Variants in CTNNA3 observed in about 807,000 individuals in gnomAD.
The protein encoded by CTNNA3 is catenin alpha-3.
Under a neutral mutation model 95.7 loss-of-function variants are expected in CTNNA3, and 76 were observed. That is an observed-to-expected ratio of 0.79 (90% CI 0.66 to 0.96). The LOEUF is 0.96. CTNNA3 is among the 40% of genes least tolerant of loss of function. CTNNA3 has a pLI of 0.00. For synonymous variants in CTNNA3, 431 were observed against 374.4 expected, an observed-to-expected ratio of 1.15 and a Z score of -1.74; for missense variants, 1,191 against 1,089.8, an observed-to-expected ratio of 1.09 and a Z score of -1.31.
chr10:66,805,328 AGTCTTAG>A (rs1182675869), intron 7 of CTNNA3, among the ~76,000 whole-genome samples: 4 of 151,868 alleles, frequency 2.6e-5, no homozygotes, highest in African/African-American at 9.7e-5. Flanking sequence ...ACCTAGGAGC[AGTCTTAG>A]GGACTCCTGA....
chr10:66,964,727 G>T (rs2132791304), intron 7 of CTNNA3, among the ~76,000 whole-genome samples: 1 of 152,204 alleles, frequency 6.6e-6, no homozygotes, highest in East Asian at 1.9e-4. Flanking sequence ...AGAATTTCAT[G>T]ATCCCTCCCT....
At chr10:66,485,125 A>G (rs1277330232) in intron 11 of CTNNA3, among the ~76,000 whole-genome samples, 1 of 152,150 alleles carries the variant, frequency 6.6e-6, no homozygotes, top group Non-Finnish European at 1.5e-5. Flanking sequence ...CACAAACCCC[A>G]TAATCAATGA....
intron 5 of CTNNA3, among the ~76,000 whole-genome samples, chr10:67,230,661 A>G (rs116054566): frequency 0.017 from 2,663 of 152,326 alleles, 79 homozygotes; most frequent in African/African-American, 0.058. Flanking sequence ...AAAAGAAGAT[A>G]TACAGAGAAG....
chr10:66,157,491 GTAGATAGATAGATAGATAGATAGATAGA>G (rs34507083), intron 13 of CTNNA3, among the ~76,000 whole-genome samples: 9 of 147,486 alleles, frequency 6.1e-5, no homozygotes, highest in East Asian at 4.0e-4. Context: ...AGATAGATAT[GTAGATAGATAGATAGATAGATAGATAGA>G]TAGATAGATA....
intron 5 of CTNNA3, among the ~76,000 whole-genome samples, chr10:67,471,089 G>C (rs564677959): frequency 6.6e-6 from 1 of 152,006 alleles, no homozygotes; most frequent in Non-Finnish European, 1.5e-5. Context: ...AGCACGGGGG[G>C]GTGGGGCAAT....
intron 5 of CTNNA3, among the ~76,000 whole-genome samples, chr10:67,236,522 G>T (rs1176501507): frequency 2.0e-5 from 3 of 149,872 alleles, no homozygotes; most frequent in Non-Finnish European, 1.5e-5. Flanking sequence ...GGGGTGGGGG[G>T]GGTGGGGAGG....
At chr10:66,109,074 A>G (rs2082018780) in intron 13 of CTNNA3, among the ~76,000 whole-genome samples, 1 of 152,232 alleles carries the variant, frequency 6.6e-6, no homozygotes, top group Non-Finnish European at 1.5e-5. Flanking sequence ...TTGACAATCC[A>G]ATATGGATAA....
intron 11 of CTNNA3, among the ~76,000 whole-genome samples, chr10:66,416,460 A>G (rs1028765040): frequency 6.6e-6 from 1 of 152,050 alleles, no homozygotes; most frequent in African/African-American, 2.4e-5. Context: ...CCCAGCAGTC[A>G]CCAAACAGAC....
chr10:66,341,351 A>G (rs934685275), intron 12 of CTNNA3, among the ~76,000 whole-genome samples: 9 of 151,952 alleles, frequency 5.9e-5, no homozygotes, highest in African/African-American at 1.2e-4. Flanking sequence ...ACTTAAATAA[A>G]TTCAGTGAAA....
rs533582203 is a variant in CTNNA3 at position 66,323,213 on chromosome 10, A to G, written c.1733-42592T>C. Among the ~76,000 whole-genome samples the G allele has an allele frequency of 1.9e-3, 283 of 152,214 alleles. 2 individuals are homozygous for G. The highest frequency in any genetic ancestry group is 6.4e-3 in the African/African-American group (264 of 41,560). On this transcript the variant is annotated intron_variant, in intron 12 of 17. Transcript: ENST00000433211. ...AGAACAAAATACAAATTAATGTCTCAATAAATTAATCTGCCACACTAAGTA... is the reference window on the plus strand; with the variant it reads ...AGAACAAAATACAAATTAATGTCTCGATAAATTAATCTGCCACACTAAGTA...
chr10:66,514,720 A>G (rs1840777701), intron 11 of CTNNA3, among the ~76,000 whole-genome samples: 1 of 152,162 alleles, frequency 6.6e-6, no homozygotes, highest in Non-Finnish European at 1.5e-5. Flanking sequence ...AAATAAACGA[A>G]GGAATAAATA....
intron 9 of CTNNA3, among the ~76,000 whole-genome samples, chr10:66,629,511 G>C (rs1845059118): frequency 6.6e-6 from 1 of 152,106 alleles, no homozygotes; most frequent in Non-Finnish European, 1.5e-5. Context: ...ATTTTGATCA[G>C]TTTTATTTAT....
chr10:66,454,052 A>G (rs1308586117), intron 11 of CTNNA3, among the ~76,000 whole-genome samples: 2 of 126,890 alleles, frequency 1.6e-5, no homozygotes, highest in Non-Finnish European at 3.3e-5. Flanking sequence ...GGTCAGCGTG[A>G]TGAGTTGTGA....
intron 7 of CTNNA3, among the ~76,000 whole-genome samples, chr10:66,904,066 G>T (rs948661669): frequency 2.0e-5 from 3 of 152,136 alleles, no homozygotes; most frequent in East Asian, 3.9e-4. Flanking sequence ...AGCCTGCATA[G>T]CCAAGATAAT....
At chr10:66,382,469 A>G (rs187357440) in intron 11 of CTNNA3, among the ~76,000 whole-genome samples, 52 of 152,136 alleles carry the variant, frequency 3.4e-4, no homozygotes, top group African/African-American at 1.2e-3. Context: ...AACAAGGCCT[A>G]CTGCCTCTAG....
intron 7 of CTNNA3, among the ~76,000 whole-genome samples, chr10:67,024,279 C>T (rs1368433220): frequency 6.6e-6 from 1 of 152,194 alleles, no homozygotes; most frequent in Non-Finnish European, 1.5e-5. Context: ...ATTGTGTTCT[C>T]GTAGAGTCTG....
At chr10:66,308,519 C>G (rs2091961399) in intron 12 of CTNNA3, among the ~76,000 whole-genome samples, 2 of 152,078 alleles carry the variant, frequency 1.3e-5, no homozygotes, top group South Asian at 4.1e-4. Flanking sequence ...CCATTAATAT[C>G]TGAAAAAGAT....
intron 10 of CTNNA3, among the ~76,000 whole-genome samples, chr10:66,616,481 T>G (rs1844518272): frequency 6.6e-6 from 1 of 152,234 alleles, no homozygotes; most frequent in East Asian, 1.9e-4. Context: ...CTCCAGGTCT[T>G]TTCCTGGCTA....
At chr10:66,416,411 C>A (rs115494534) in intron 11 of CTNNA3, among the ~76,000 whole-genome samples, 7,498 of 151,932 alleles carry the variant, frequency 0.049, 256 homozygotes, top group East Asian at 0.11. Flanking sequence ...GGAAAATTTC[C>A]CAAATCTAGC....
Sources: gnomAD v4.1 joint callset for allele counts (sites outside exome capture counted in the v4.1 genomes callset) on GRCh38, gnomAD v4.1.1 for gene constraint, MANE v1.5 for transcripts, NCBI Gene and HGNC (gene_info 2026-07-23, HGNC 2026-07-21) for gene names.